The following COL9A2 variants were observed in gnomAD, a reference collection of about 807,000 sequenced individuals.
COL9A2 encodes the protein collagen type IX alpha 2 chain, also known as collagen alpha-2(IX) chain.
COL9A2 carries 66 observed loss-of-function variants against 111.6 expected under a neutral mutation model. That is an observed-to-expected ratio of 0.59 (90% CI 0.48 to 0.73). The LOEUF is 0.73. Among genes scored for constraint, COL9A2 ranks in the 30% least tolerant of loss-of-function variants. The pLI, the probability that COL9A2 is intolerant of heterozygous loss-of-function variation, is 0.00. For missense variants in COL9A2, 881 were observed against 954.1 expected, an observed-to-expected ratio of 0.92 and a Z score of 1.01; for synonymous variants, 353 against 364.1, an observed-to-expected ratio of 0.97 and a Z score of 0.35.
chr1:40,312,405 C>T lies in COL9A2; in HGVS notation c.363+51G>A, dbSNP rs1415811035. The T allele has an allele frequency of 4.4e-6, 7 of 1,603,050 alleles. No homozygotes were observed. The highest frequency in any genetic ancestry group is 4.0e-5 in the African/African-American group (3 of 74,452). On this transcript the variant is annotated intron_variant, in intron 7 of 31. Transcript: ENST00000372748. This position sits in a 1 kb window ranked among gnomAD's most constrained non-coding sequence, Gnocchi z 6.0. ...ATTCCCTCGAAGCCTTTCTGTTGTC[C>T]CCTCCTTCCCTGGGAGTTCTGGGGA...
rs1342760470 is a variant in COL9A2 at position 40,310,359 on chromosome 1, C to T, written c.685-42G>A. 3 of 1,594,058 alleles carry T rather than the reference C, an allele frequency of 1.9e-6. No individual in the cohort carries two copies. Among genetic ancestry groups the T allele is most frequent in the Non-Finnish European group, 2.6e-6 (3 of 1,162,390 alleles). ...ATGACAGCAATGGCAATTGCAAGGC[C>T]CACTTCATGATACCTTGTCTGATGC... On this transcript the variant is annotated intron_variant, in intron 13 of 31. Transcript: ENST00000372748. This position sits in a 1 kb window ranked among gnomAD's most constrained non-coding sequence, Gnocchi z 4.9.
chr1:40,315,505 A>C lies in COL9A2; in HGVS notation c.150+85T>G, dbSNP rs115504008. 365,727 of 1,469,576 alleles carry C rather than the reference A, an allele frequency of 0.25. 53,795 individuals are homozygous for C. The highest frequency in any genetic ancestry group is 0.72 in the East Asian group (28,041 of 39,052). The allele number at this position is 1,469,576 out of a possible 1,614,324, so 91.0% of individuals were successfully genotyped here. A position where few individuals can be genotyped will look rare whatever the true frequency, so the allele number is the denominator to read the frequency against. ...GGGCACTACATCTCCGGGCACCCCG[A>C]AGTCCCCACCCCCACCACAGCGCTC... On this transcript the variant is annotated intron_variant, in intron 2 of 31. Transcript: ENST00000372748.
chr1:40,305,353 C>T lies in COL9A2; in HGVS notation c.1107+362G>A, dbSNP rs147266810. ...TACAGGCGTGAGCCACCGCGCCCGG[C>T]GTGATCATTTATTTCATGTCTATTT... On this transcript the variant is annotated intron_variant, in intron 21 of 31. Transcript: ENST00000372748. Among the ~76,000 whole-genome samples, 361 of 152,320 alleles carry T rather than the reference C, an allele frequency of 2.4e-3. 2 individuals carry two copies. The highest frequency in any genetic ancestry group is 8.3e-3 in the African/African-American group (343 of 41,564).
rs1557791667 is a variant in COL9A2 at position 40,303,083 on chromosome 1, G to C, written c.1603+48C>G. The C allele has an allele frequency of 2.5e-6, 4 of 1,580,886 alleles. No individual in the cohort carries two copies. The highest frequency in any genetic ancestry group is 3.5e-6 in the Non-Finnish European group (4 of 1,159,026). ...GGAGGCTCCGGGAGGGGGTGAGGGG[G>C]CGGCGATGCCCTCGAACTGACTGTG... On this transcript the variant is annotated intron_variant, in intron 29 of 31. Coordinates refer to ENST00000372748, the MANE Select transcript of COL9A2 (RefSeq NM_001852.4). This position sits in a 1 kb window ranked among gnomAD's most constrained non-coding sequence, Gnocchi z 4.6.
chr1:40,311,163 A>T lies in COL9A2; in HGVS notation c.577-17T>A, dbSNP rs1023650914. 6.2e-7 allele frequency: 1 copy of T among 1,614,146 alleles called. No individual in the cohort carries two copies. Among genetic ancestry groups the T allele is most frequent in the Admixed American group, 1.7e-5 (1 of 60,024 alleles). On this transcript the variant is annotated splice_polypyrimidine_tract_variant and intron_variant, in intron 11 of 31. Coordinates refer to ENST00000372748, the MANE Select transcript of COL9A2 (RefSeq NM_001852.4). The surrounding 1 kb of genome is among the most constrained non-coding windows in gnomAD (Gnocchi z 5.1). ...CGCATGCCCCTGAAGGGAAGGAGAG[A>T]GCTCAATACGAGGTCCCCTCCTGTC...
intron 21 of COL9A2, 137 bp from the exon 22 acceptor site, chr1:40,304,984 G>T: frequency 1.6e-6 from 1 of 641,552 alleles, no homozygotes; most frequent in Non-Finnish European, 2.7e-6. Flanking sequence ...CTGTTCCATG[G>T]TTTTGGGTCC....
rs1268006165 is a variant in COL9A2, at chr1:40,314,212, C to T, written c.242G>A (p.Gly81Glu). Residue 81 changes from glycine (G) to glutamate (E), a missense_variant, in exon 4 of 32, where the codon GGG (glycine) becomes GAG (glutamate). Gly to Glu is a moderately conservative substitution (Grantham distance 98, BLOSUM62 -2). Coordinates refer to ENST00000372748, the MANE Select transcript of COL9A2 (RefSeq NM_001852.4). This position sits in a 1 kb window ranked among gnomAD's most constrained non-coding sequence, Gnocchi z 4.1. The stretch of plus-strand genomic sequence containing the variant: ...CGACACTCAGCTACTCACATCAATC[C>T]CGGGCTTCCCGTCTGGCCCATCTGG... The part of the protein sequence containing the change: ...AGPDGPDGKP[G>E]IDGLTGAKGE... 2.5e-6 allele frequency: 4 copies of T among 1,614,102 alleles called. No individual in the cohort carries two copies. Among genetic ancestry groups the T allele is most frequent in the Admixed American group, 1.7e-5 (1 of 60,010 alleles).
Position 40,302,924 on chromosome 1 carries a change from A to G in COL9A2, c.1604-115T>C. 8.3e-7 allele frequency: 1 copy of G among 1,203,226 alleles called. No homozygotes were observed. The highest frequency in any genetic ancestry group is 1.2e-6 in the Non-Finnish European group (1 of 844,352). The allele number at this position is 1,203,226 out of a possible 1,614,324, so 74.5% of individuals were successfully genotyped here. ...CTGGCCCCTAGGTTTGCAGACAGAA[A>G]AGCACCACCTTCCGTGGGCTCTGTT... On this transcript the variant is annotated intron_variant, in intron 29 of 31. Coordinates refer to ENST00000372748, the MANE Select transcript of COL9A2 (RefSeq NM_001852.4). The surrounding 1 kb of genome is among the most constrained non-coding windows in gnomAD (Gnocchi z 4.5).
rs931812265 is a variant in COL9A2, at chr1:40,300,565, G to T, written c.*617C>A. 8 of 152,912 alleles carry T rather than the reference G, an allele frequency of 5.2e-5. No individual in the cohort carries two copies. Among genetic ancestry groups the T allele is most frequent in the Non-Finnish European group, 7.3e-5 (5 of 68,628 alleles). The allele number at this position is 152,912 out of a possible 1,614,324, so 9.5% of individuals were successfully genotyped here. ...CTTGGGAGCTTTTATTTACAGAAAG[G>T]CCTGGGTGGATCGGGGAGAAAGGGG... On this transcript the variant is annotated 3_prime_UTR_variant, in exon 32 of 32. Transcript: ENST00000372748. The surrounding 1 kb of genome is among the most constrained non-coding windows in gnomAD (Gnocchi z 4.4).
intron 19 of COL9A2, among the ~76,000 whole-genome samples, chr1:40,306,626 G>A (rs1644034275): frequency 6.6e-6 from 1 of 152,090 alleles, no homozygotes; most frequent in Non-Finnish European, 1.5e-5. Context: ...CAAACAGAGG[G>A]ACCAGCAAAG....
chr1:40,303,534 A>T lies in COL9A2; in HGVS notation c.1544T>A (p.Val515Glu). The T allele has an allele frequency of 6.2e-7, 1 of 1,610,102 alleles. No homozygotes were observed. The highest frequency in any genetic ancestry group is 8.5e-7 in the Non-Finnish European group (1 of 1,178,918). The change falls in exon 28 of 32, where the codon GTG (valine) becomes GAG (glutamate). Residue 515 changes from valine to glutamate, a missense_variant. Coordinates refer to ENST00000372748, the MANE Select transcript of COL9A2 (RefSeq NM_001852.4). This position sits in a 1 kb window ranked among gnomAD's most constrained non-coding sequence, Gnocchi z 4.6. ...GVPGQPGRQG[V>E]EGRDATDQHI... ...CTACCCCGGGGCCCGACTCACCTCC[A>T]CGCCCTGTCTCCCGGGCTGTCCTGG...
chr1:40,306,052 C>G, intron 20 of COL9A2, 91 bp downstream of exon 20: 2 of 1,466,698 alleles, frequency 1.4e-6, no homozygotes, highest in Non-Finnish European at 1.9e-6. Context: ...TCTGGCTGAG[C>G]CTCTGAGACT....
At position 40,314,524 on chromosome 1, in the gene COL9A2, T is replaced by C; in HGVS notation, c.151-137A>G. ...TGTCCAGGTCCCCTAAGCCTTGCAA[T>C]CTTTGGGAAAAGAGCCCCCTTTTCC... is the stretch of plus-strand genomic sequence containing the variant. On this transcript the variant is annotated intron_variant, in intron 2 of 31. Transcript: ENST00000372748. This position sits in a 1 kb window ranked among gnomAD's most constrained non-coding sequence, Gnocchi z 4.1. 1 of 1,072,804 alleles carries C rather than the reference T, an allele frequency of 9.3e-7. No individual in the cohort carries two copies. The highest frequency in any genetic ancestry group is 1.4e-6 in the Non-Finnish European group (1 of 703,740). The allele number at this position is 1,072,804 out of a possible 1,614,324, so 66.5% of individuals were successfully genotyped here. A position where few individuals can be genotyped will look rare whatever the true frequency, so the allele number is the denominator to read the frequency against.
intron 21 of COL9A2, 141 bp downstream of exon 21, chr1:40,305,574 G>T (rs970048097): frequency 3.9e-6 from 3 of 777,864 alleles, no homozygotes; most frequent in South Asian, 1.6e-5. Context: ...AGGGAAACAG[G>T]CCCAGGGAGG....
At chr1:40,315,812 A>C in intron 1 of COL9A2, 148 bp from the exon 2 acceptor site, 1 of 579,596 alleles carries the variant, frequency 1.7e-6, no homozygotes. Context: ...TATAGCAGGC[A>C]CTGTGTGCCA....
intron 1 of COL9A2, 149 bp from the exon 2 acceptor site, chr1:40,315,813 C>G: frequency 1.7e-6 from 1 of 580,420 alleles, no homozygotes; most frequent in South Asian, 2.3e-5. Flanking sequence ...ATAGCAGGCA[C>G]TGTGTGCCAT....
chr1:40,314,913 C>T lies in COL9A2; in HGVS notation c.151-526G>A, dbSNP rs902673521. Among the ~76,000 whole-genome samples the T allele has an allele frequency of 6.6e-6, 1 of 152,036 alleles. No individual in the cohort carries two copies. The highest frequency in any genetic ancestry group is 2.4e-5 in the African/African-American group (1 of 41,400). ...GACCTCCTTCCAGTGCCAAAGGACC[C>T]TTGGTGGTGGGCAGGCAGGGCCGGT... On this transcript the variant is annotated intron_variant, in intron 2 of 31. Coordinates refer to ENST00000372748, the MANE Select transcript of COL9A2 (RefSeq NM_001852.4). The surrounding 1 kb of genome is among the most constrained non-coding windows in gnomAD (Gnocchi z 4.1).
chr1:40,311,221 A>G lies in COL9A2; in HGVS notation c.576+9T>C. 3.1e-6 allele frequency: 5 copies of G among 1,614,110 alleles called. No homozygotes were observed. The highest frequency in any genetic ancestry group is 4.2e-6 in the Non-Finnish European group (5 of 1,179,986). ...CCACCCTCCCAAGATTCAGGCCAGG[A>G]GCTCTCACCTTCACTCCCTGCAGCC... On this transcript the variant is annotated intron_variant, in intron 11 of 31. Coordinates refer to ENST00000372748, the MANE Select transcript of COL9A2 (RefSeq NM_001852.4). This position sits in a 1 kb window ranked among gnomAD's most constrained non-coding sequence, Gnocchi z 5.1.
Position 40,310,404 on chromosome 1 carries a change from GC to G in COL9A2, c.685-88del, listed in dbSNP as rs1644105111. On this transcript the variant is annotated intron_variant, in intron 13 of 31. Transcript: ENST00000372748. The surrounding 1 kb of genome is among the most constrained non-coding windows in gnomAD (Gnocchi z 4.9). ...TGATGCCCACCTTCAATCTTACAGT[GC>G]CCTTTTGAGGTAGGCAGCAGAGTCT... The G allele has an allele frequency of 5.1e-6, 7 of 1,360,694 alleles. No individual in the cohort carries two copies. In the East Asian group the frequency reaches 1.6e-4, roughly 31 times the overall value. The allele number at this position is 1,360,694 out of a possible 1,614,324, so 84.3% of individuals were successfully genotyped here.
Sources: gnomAD v4.1 joint callset for allele counts (sites outside exome capture counted in the v4.1 genomes callset) on GRCh38, gnomAD v4.1.1 for gene constraint, Gnocchi (gnomAD v3.1) non-coding constraint, MANE v1.5 for transcripts, NCBI Gene and HGNC (gene_info 2026-07-23, HGNC 2026-07-21) for gene names.